EDIL3: variants seen among roughly 807,000 people sequenced by gnomAD.
The protein encoded by EDIL3 is EGF like and discoidin domains 3, also known as EGF-like repeat and discoidin I-like domain-containing protein 3.
EDIL3 carries 37 observed loss-of-function variants against 67.4 expected under a neutral mutation model. That is an observed-to-expected ratio of 0.55 (90% CI 0.42 to 0.72). EDIL3 has a LOEUF of 0.72. Among genes scored for constraint, EDIL3 ranks in the 30% least tolerant of loss-of-function variants. The pLI, the probability that EDIL3 is intolerant of heterozygous loss-of-function variation, is 0.00. For missense variants in EDIL3, 527 were observed against 586.3 expected (o/e 0.90, Z 1.04); for synonymous variants, 195 against 196.3 (o/e 0.99, Z 0.05).
At chr5:84,086,488 G>A (rs756736138) in intron 6 of EDIL3, among the ~76,000 whole-genome samples, 2 of 152,100 alleles carry the variant, frequency 1.3e-5, no homozygotes, top group African/African-American at 2.4e-5. Flanking sequence ...TGCACCCACT[G>A]CCTAACCAAT....
At chr5:83,991,768 T>C (rs1262828468) in intron 9 of EDIL3, among the ~76,000 whole-genome samples, 3 of 152,160 alleles carry the variant, frequency 2.0e-5, no homozygotes, top group Non-Finnish European at 2.9e-5. Context: ...ATGCCACCCT[T>C]ATCACAGGCC....
chr5:84,384,322 G>C lies in EDIL3; in HGVS notation c.53C>G (p.Pro18Arg). ...CGACGCCTTACCTTTGCCGAACTGG[G>C]GGACACCGAGGCTGAGCCCGACCAA... ...WLLVGLSLGVPQFGKGDICDP... is the reference protein window; with the variant it reads ...WLLVGLSLGVRQFGKGDICDP... Residue 18 changes from proline (P) to arginine (R), a missense_variant, in exon 1 of 11, where the codon CCC (proline) becomes CGC (arginine). Pro to Arg is a moderately radical substitution (Grantham distance 103). This residue lies in a region of EDIL3 where 494 missense variants were observed against 522.5 expected (regional missense o/e 0.95). Transcript: ENST00000296591. 6.2e-7 allele frequency: 1 copy of C among 1,610,902 alleles called. No homozygotes were observed. The highest frequency in any genetic ancestry group is 1.3e-5 in the African/African-American group (1 of 74,806).
In EDIL3 at chr5:84,345,308, A is replaced by G. The variant is rs114360279; in HGVS notation, c.67+39000T>C. On this transcript the variant is annotated intron_variant, in intron 1 of 10. Coordinates refer to ENST00000296591, the MANE Select transcript of EDIL3 (RefSeq NM_005711.5). ...ATGTCATCTGAACACACTATTTTCC[A>G]CAAAGAAAGATGGAAAATTGCTCAA... Among the ~76,000 whole-genome samples, 626 of 152,272 alleles carry G rather than the reference A, an allele frequency of 4.1e-3. 13 individuals are homozygous for G. Among genetic ancestry groups the G allele is most frequent in the African/African-American group, 0.014 (575 of 41,546 alleles).
chr5:84,048,219 T>G (rs770652294), intron 9 of EDIL3: 1 of 431,936 alleles, frequency 2.3e-6, no homozygotes, highest in South Asian at 1.7e-5. Context: ...TATTGACAAA[T>G]GTTTCCAGTG....
At chr5:84,054,611 T>A (rs963717837) in intron 9 of EDIL3, among the ~76,000 whole-genome samples, 23 of 152,102 alleles carry the variant, frequency 1.5e-4, no homozygotes, top group Non-Finnish European at 1.8e-4. Flanking sequence ...TTCAGCAAAG[T>A]CTCAGGATAC....
chr5:84,117,020 A>ATGTTT (rs1747677188), intron 5 of EDIL3, among the ~76,000 whole-genome samples: 1 of 83,236 alleles, frequency 1.2e-5, no homozygotes, highest in African/African-American at 4.7e-5. Context: ...TTAAGTACTT[A>ATGTTT]TTTTTTTTTT....
chr5:84,245,878 C>T (rs1744898798), intron 2 of EDIL3, among the ~76,000 whole-genome samples: 1 of 148,408 alleles, frequency 6.7e-6, no homozygotes, highest in Non-Finnish European at 1.5e-5. Context: ...CTTCAATTTT[C>T]ACCTTCCTAT....
intron 6 of EDIL3, among the ~76,000 whole-genome samples, chr5:84,078,316 T>C (rs1052368512): frequency 6.6e-6 from 1 of 152,116 alleles, no homozygotes; most frequent in Non-Finnish European, 1.5e-5. Context: ...GTGTGAGCTC[T>C]CACACAATAA....
intron 1 of EDIL3, among the ~76,000 whole-genome samples, chr5:84,326,060 C>T (rs1746749932): frequency 6.6e-6 from 1 of 152,052 alleles, no homozygotes; most frequent in Non-Finnish European, 1.5e-5. Context: ...GCATGAAATT[C>T]TTAATGTCAT....
chr5:84,316,040 C>T (rs191511812), intron 1 of EDIL3, among the ~76,000 whole-genome samples: 169 of 152,252 alleles, frequency 1.1e-3, no homozygotes, highest in African/African-American at 3.9e-3. Context: ...AAATAAAAGG[C>T]TTTACAGACA....
chr5:84,028,957 T>C (rs1002103641), intron 9 of EDIL3, among the ~76,000 whole-genome samples: 6 of 152,046 alleles, frequency 3.9e-5, no homozygotes, highest in Non-Finnish European at 8.8e-5. Flanking sequence ...TGAATAAATC[T>C]CACAAGAAGA....
At chr5:84,381,608 A>C (rs1178736277) in intron 1 of EDIL3, among the ~76,000 whole-genome samples, 1 of 152,230 alleles carries the variant, frequency 6.6e-6, no homozygotes, top group Non-Finnish European at 1.5e-5. Context: ...TTGATTAAAA[A>C]AAGAAAATGC....
chr5:84,106,927 A>AC, intron 5 of EDIL3, 97 bp from the exon 6 acceptor site: 1 of 1,303,272 alleles, frequency 7.7e-7, no homozygotes, highest in Non-Finnish European at 1.0e-6. Context: ...AAATGATTTG[A>AC]ATTTGCACCA....
chr5:84,354,686 T>C (rs1193226671), intron 1 of EDIL3, among the ~76,000 whole-genome samples: 1 of 149,870 alleles, frequency 6.7e-6, no homozygotes, highest in Non-Finnish European at 1.5e-5. Context: ...AAAAATAAAA[T>C]TAACTTTATA....
At chr5:83,994,099 T>C (rs1212693434) in intron 9 of EDIL3, among the ~76,000 whole-genome samples, 1 of 152,176 alleles carries the variant, frequency 6.6e-6, no homozygotes, top group Non-Finnish European at 1.5e-5. Context: ...AACCTTGCAA[T>C]TGTTTATATT....
At chr5:84,324,306 A>G (rs1009654840) in intron 1 of EDIL3, among the ~76,000 whole-genome samples, 1 of 151,956 alleles carries the variant, frequency 6.6e-6, no homozygotes, top group Non-Finnish European at 1.5e-5. Flanking sequence ...TAAACAACAT[A>G]CTTTTAAACA....
At chr5:84,071,104 A>G (rs1458581007) in intron 6 of EDIL3, among the ~76,000 whole-genome samples, 2 of 152,180 alleles carry the variant, frequency 1.3e-5, no homozygotes, top group Non-Finnish European at 2.9e-5. Flanking sequence ...TGCCCTCCAC[A>G]TCACAGGTTA....
At chr5:84,035,163 G>GTA (rs528658034) in intron 9 of EDIL3, among the ~76,000 whole-genome samples, 2,118 of 151,342 alleles carry the variant, frequency 0.014, 21 homozygotes, top group Middle Eastern at 0.045. Context: ...ATTCATTGGA[G>GTA]TATATATATA....
At chr5:84,017,965 C>T (rs1307920574) in intron 9 of EDIL3, among the ~76,000 whole-genome samples, 6 of 152,160 alleles carry the variant, frequency 3.9e-5, no homozygotes, top group Admixed American at 3.9e-4. Flanking sequence ...ATAACACTCT[C>T]CCAATGAAAG....
Sources: gnomAD v4.1 joint callset for allele counts (sites outside exome capture counted in the v4.1 genomes callset) on GRCh38, gnomAD v4.1.1 for gene constraint, gnomAD v4.1.1 regional missense constraint, MANE v1.5 for transcripts, NCBI Gene and HGNC (gene_info 2026-07-23, HGNC 2026-07-21) for gene names.